Variants in PRKG1 observed in about 807,000 individuals in gnomAD.
PRKG1 encodes the protein cGMP-dependent protein kinase 1.
PRKG1 carries 35 observed loss-of-function variants against 88.1 expected under a neutral mutation model. That is an observed-to-expected ratio of 0.40 (90% CI 0.30 to 0.53). The LOEUF (loss-of-function observed/expected upper bound fraction) is 0.53. PRKG1 is among the 20% of genes least tolerant of loss of function. The probability of loss-of-function intolerance (pLI) is 0.59; values close to 1 mark genes in which losing one functional copy is unlikely to be tolerated. For synonymous variants in PRKG1, 303 were observed against 292.5 expected, an observed-to-expected ratio of 1.04 and a Z score of -0.37; for missense variants, 540 against 839.8, an observed-to-expected ratio of 0.64 and a Z score of 4.41.
Position 52,123,516 on chromosome 10 carries a change from A to G in PRKG1, c.936-10324A>G, listed in dbSNP as rs146276140. Among the ~76,000 whole-genome samples, 477 of 152,284 alleles carry G rather than the reference A, an allele frequency of 3.1e-3. 3 individuals carry two copies. Among genetic ancestry groups the G allele is most frequent in the African/African-American group, 0.01 (427 of 41,568 alleles). ...GTCTATGTTTATCATAAGTTGATATATATTCTTAATAATACATTGACCTTT... is the reference window on the plus strand; with the variant it reads ...GTCTATGTTTATCATAAGTTGATATGTATTCTTAATAATACATTGACCTTT... On this transcript the variant is annotated intron_variant, in intron 7 of 17. Coordinates refer to ENST00000373980, the MANE Select transcript of PRKG1 (RefSeq NM_006258.4).
Position 52,271,355 on chromosome 10 carries a change from G to T in PRKG1, c.1179G>T (p.Gln393His), listed in dbSNP as rs929692657. ...VGGFGRVELV[Q>H]LKSEESKTFA... is the part of the protein sequence containing the mutation. ...CTCTTCTCTCTTTCTTTAAGGTCCA[G>T]TTGAAAAGTGAAGAATCCAAAACGT... Residue 393 changes from glutamine to histidine, a missense_variant, in exon 11 of 18, where the codon CAG (glutamine) becomes CAT (histidine). Gln to His is a conservative substitution (Grantham distance 24). Around this residue, in one of 5 missense-constraint regions of PRKG1, gnomAD observed 400 missense variants for 562.7 expected, o/e 0.71. Transcript: ENST00000373980. The T allele has an allele frequency of 1.2e-6, 2 of 1,612,140 alleles. No homozygotes were observed. The highest frequency in any genetic ancestry group is 1.7e-6 in the Non-Finnish European group (2 of 1,178,766).
At chr10:51,464,693 C>A (rs946539199) in intron 2 of PRKG1, among the ~76,000 whole-genome samples, 4 of 151,542 alleles carry the variant, frequency 2.6e-5, no homozygotes, top group Non-Finnish European at 5.9e-5. Flanking sequence ...AGATCGAGAC[C>A]ATCCCGGCTA....
At chr10:51,049,364 C>T (rs1372108957) in intron 1 of PRKG1, among the ~76,000 whole-genome samples, 2 of 152,082 alleles carry the variant, frequency 1.3e-5, no homozygotes, top group Non-Finnish European at 2.9e-5. Context: ...CAATGTGTGG[C>T]GTTGTAATTC....
At chr10:51,285,263 A>T (rs1262419986) in intron 2 of PRKG1, among the ~76,000 whole-genome samples, 3 of 151,806 alleles carry the variant, frequency 2.0e-5, no homozygotes, top group Non-Finnish European at 4.4e-5. Context: ...TAGTTGAAGG[A>T]TGTATTCTTT....
chr10:52,049,966 A>G (rs1479265492), intron 5 of PRKG1, among the ~76,000 whole-genome samples: 1 of 152,274 alleles, frequency 6.6e-6, no homozygotes, highest in East Asian at 1.9e-4. Flanking sequence ...AGAAAAGGGC[A>G]ATGAAATAGA....
intron 3 of PRKG1, among the ~76,000 whole-genome samples, chr10:51,579,008 T>TTTTTTTTTTTTTA (rs1837961868): frequency 1.4e-5 from 2 of 143,458 alleles, no homozygotes; most frequent in African/African-American, 5.1e-5. Context: ...TTTTTTTTTT[T>TTTTTTTTTTTTTA]AGACAGAGTC....
At chr10:51,065,541 A>G (rs1282262891) in intron 1 of PRKG1, among the ~76,000 whole-genome samples, 1 of 152,088 alleles carries the variant, frequency 6.6e-6, no homozygotes, top group Non-Finnish European at 1.5e-5. Flanking sequence ...GATATATTTG[A>G]TTTGTTACAT....
chr10:51,467,141 A>G (rs972756839), intron 2 of PRKG1, among the ~76,000 whole-genome samples: 1 of 152,066 alleles, frequency 6.6e-6, no homozygotes, highest in Non-Finnish European at 1.5e-5. Context: ...ATAAACTGTC[A>G]TAACACAGCT....
At chr10:51,581,875 A>G (rs774685721) in intron 3 of PRKG1, among the ~76,000 whole-genome samples, 1 of 152,226 alleles carries the variant, frequency 6.6e-6, no homozygotes, top group Admixed American at 6.6e-5. Context: ...TCTCCCTACA[A>G]GTATTACATA....
At chr10:52,170,748 G>T (rs1838646411) in intron 9 of PRKG1, among the ~76,000 whole-genome samples, 1 of 152,164 alleles carries the variant, frequency 6.6e-6, no homozygotes, top group African/African-American at 2.4e-5. Flanking sequence ...ATATTTTCAG[G>T]ATTACTTTTG....
chr10:52,234,075 G>A (rs1028749955), intron 9 of PRKG1, among the ~76,000 whole-genome samples: 1 of 152,038 alleles, frequency 6.6e-6, no homozygotes, highest in Non-Finnish European at 1.5e-5. Flanking sequence ...ACACAGCAGG[G>A]TATTCCAACA....
At chr10:51,045,385 G>A (rs1843475389) in intron 1 of PRKG1, among the ~76,000 whole-genome samples, 1 of 151,828 alleles carries the variant, frequency 6.6e-6, no homozygotes, top group Non-Finnish European at 1.5e-5. Flanking sequence ...GCAGTGGTGC[G>A]ATCTTGGCTC....
At chr10:51,631,249 T>C (rs922430626) in intron 3 of PRKG1, among the ~76,000 whole-genome samples, 1 of 152,214 alleles carries the variant, frequency 6.6e-6, no homozygotes, top group Non-Finnish European at 1.5e-5. Context: ...TACATTTGTT[T>C]TCACTCATTT....
chr10:51,269,088 A>G (rs1011937535), intron 2 of PRKG1, among the ~76,000 whole-genome samples: 36 of 152,336 alleles, frequency 2.4e-4, no homozygotes, highest in African/African-American at 7.9e-4. Context: ...TCAAAAGAAG[A>G]TATACAAATA....
At chr10:51,982,921 C>T (rs4420207) in intron 5 of PRKG1, among the ~76,000 whole-genome samples, 32,252 of 152,030 alleles carry the variant, frequency 0.21, 4,017 homozygotes, top group Non-Finnish European at 0.28. Context: ...CAGCATGGCT[C>T]AAGGGGGAGG....
chr10:51,073,589 G>A (rs1175863907), upstream of PRKG1, among the ~76,000 whole-genome samples: 3 of 152,108 alleles, frequency 2.0e-5, no homozygotes, highest in Non-Finnish European at 2.9e-5. Context: ...TGAGTGACCT[G>A]CTAGGGCCCA....
intron 3 of PRKG1, among the ~76,000 whole-genome samples, chr10:51,532,236 G>A (rs2132095556): frequency 6.6e-6 from 1 of 152,222 alleles, no homozygotes; most frequent in African/African-American, 2.4e-5. Context: ...GTTTCAGTGG[G>A]TTGTGGTTTA....
chr10:51,750,351 TAAG>T (rs1231468443), intron 3 of PRKG1, among the ~76,000 whole-genome samples: 1 of 152,166 alleles, frequency 6.6e-6, no homozygotes, highest in African/African-American at 2.4e-5. Flanking sequence ...CATGTGGACA[TAAG>T]AAATCACTAA....
At chr10:52,267,713 G>A (rs572557742) in intron 10 of PRKG1, among the ~76,000 whole-genome samples, 2 of 152,036 alleles carry the variant, frequency 1.3e-5, no homozygotes, top group South Asian at 2.1e-4. Context: ...TAAAATGCAT[G>A]CTGACTTGTA....
Sources: gnomAD v4.1 joint callset for allele counts (sites outside exome capture counted in the v4.1 genomes callset) on GRCh38, gnomAD v4.1.1 for gene constraint, gnomAD v4.1.1 regional missense constraint, MANE v1.5 for transcripts, NCBI Gene and HGNC (gene_info 2026-07-23, HGNC 2026-07-21) for gene names.